ANO3: variants seen among roughly 807,000 people sequenced by gnomAD.
ANO3 encodes the protein anoctamin 3, also known as anoctamin-3.
Under a neutral mutation model 144.8 loss-of-function variants are expected in ANO3, and 99 were observed. That is an observed-to-expected ratio of 0.68 (90% CI 0.58 to 0.81). ANO3 has a LOEUF of 0.81. Ranked by LOEUF, ANO3 falls within the 30% of genes least tolerant of loss-of-function variation. The pLI is 0.00. For synonymous variants in ANO3, 414 were observed against 392.6 expected (o/e 1.05, Z -0.64); for missense variants, 905 against 1,202.2 (o/e 0.75, Z 3.66).
chr11:26,479,827 A>C (rs1860139795), intron 4 of ANO3, among the ~76,000 whole-genome samples: 1 of 152,222 alleles, frequency 6.6e-6, no homozygotes, highest in African/African-American at 2.4e-5. Context: ...TAAACTTGTA[A>C]TAGCAAATTA....
chr11:26,289,654 T>C lies in ANO3; in HGVS notation c.155-19991T>C, dbSNP rs201374902. 1.4e-3 allele frequency among the ~76,000 whole-genome samples: 92 copies of C among 67,172 alleles called. 2 individuals are homozygous for C. The highest frequency in any genetic ancestry group is 9.1e-3 in the Middle Eastern group (1 of 110). 44.1% of individuals were successfully genotyped at this position (67,172 alleles called of 152,430 possible). On this transcript the variant is annotated intron_variant, in intron 1 of 27. Transcript: ENST00000672621. ...TATATGTACATATACACACATATAT[T>C]CTATATGTGTGTATATGTACATATA...
intron 1 of ANO3, among the ~76,000 whole-genome samples, chr11:26,409,644 A>G (rs1156863576): frequency 6.6e-6 from 1 of 152,004 alleles, no homozygotes; most frequent in Admixed American, 6.6e-5. Context: ...GACATCTGTC[A>G]TATTCATCAA....
At chr11:26,571,019 A>C (rs1850803150) in intron 14 of ANO3, among the ~76,000 whole-genome samples, 1 of 152,138 alleles carries the variant, frequency 6.6e-6, no homozygotes, top group Non-Finnish European at 1.5e-5. Flanking sequence ...TTTCAAGAAA[A>C]AAACAAATTT....
intron 10 of ANO3, among the ~76,000 whole-genome samples, chr11:26,541,658 A>G (rs965095358): frequency 6.6e-6 from 1 of 152,096 alleles, no homozygotes; most frequent in Non-Finnish European, 1.5e-5. Context: ...TTATTAAAAG[A>G]CCTTAAATTC....
intron 7 of ANO3, among the ~76,000 whole-genome samples, chr11:26,528,208 G>A (rs1390614086): frequency 2.0e-5 from 3 of 152,136 alleles, no homozygotes; most frequent in Non-Finnish European, 4.4e-5. Context: ...TACTTACTAT[G>A]TTCTGTGCCC....
chr11:26,649,799 T>C (rs1853469418), intron 24 of ANO3, among the ~76,000 whole-genome samples: 2 of 152,314 alleles, frequency 1.3e-5, no homozygotes, highest in African/African-American at 2.4e-5. Context: ...TAAGATCTTA[T>C]GAACTCTAAA....
At chr11:26,307,131 G>A (rs557490234), upstream of ANO3, among the ~76,000 whole-genome samples, 3 of 148,564 alleles carry the variant, frequency 2.0e-5, no homozygotes, top group African/African-American at 7.4e-5. Flanking sequence ...CGAGGCAGGC[G>A]GATCACGAGG....
At chr11:26,473,954 CA>C (rs1859870811) in intron 4 of ANO3, 1 of 984,936 alleles carries the variant, frequency 1.0e-6, no homozygotes, top group South Asian at 4.7e-5. Flanking sequence ...ACCCTCCAGT[CA>C]AATGCTTTGT....
At chr11:26,223,897 C>T (rs923640675) in intron 1 of ANO3, among the ~76,000 whole-genome samples, 2 of 152,136 alleles carry the variant, frequency 1.3e-5, no homozygotes, top group Admixed American at 1.3e-4. Flanking sequence ...AGCACCAAGG[C>T]ATTCATATAA....
At chr11:26,432,545 T>C (rs1858151041) in intron 1 of ANO3, among the ~76,000 whole-genome samples, 1 of 152,200 alleles carries the variant, frequency 6.6e-6, no homozygotes, top group Admixed American at 6.5e-5. Context: ...ATTTTGTGTT[T>C]AAGTTTTTAA....
intron 1 of ANO3, among the ~76,000 whole-genome samples, chr11:26,316,258 C>T (rs760712271): frequency 2.6e-5 from 4 of 152,204 alleles, no homozygotes; most frequent in East Asian, 1.9e-4. Flanking sequence ...TCTGGTCCTG[C>T]GATGCCACCA....
At chr11:26,620,215 T>TATGCAAA (rs1258106833) in intron 17 of ANO3, among the ~76,000 whole-genome samples, 11 of 152,182 alleles carry the variant, frequency 7.2e-5, no homozygotes, top group African/African-American at 2.7e-4. Context: ...GAAAATTAAA[T>TATGCAAA]ATGCAAAATT....
At chr11:26,460,905 G>A (rs1463239665) in intron 3 of ANO3, among the ~76,000 whole-genome samples, 1 of 152,006 alleles carries the variant, frequency 6.6e-6, no homozygotes, top group Non-Finnish European at 1.5e-5. Context: ...TTAGAGACTT[G>A]GGAAAAGGAA....
rs372995237 is a variant in ANO3 at position 26,506,618 on chromosome 11, C to A, written c.433-1486C>A. Among the ~76,000 whole-genome samples the A allele has an allele frequency of 9.8e-5, 15 of 152,290 alleles. 1 individual carries two copies. Among genetic ancestry groups the A allele is most frequent in the African/African-American group, 3.6e-4 (15 of 41,558 alleles). Reference sequence around the variant, plus strand: ...AGAATTCCAAGTTAATCCTGGAAATCTCAGAGCTTTTTTATTCATTGAAGA... The same window carrying A: ...AGAATTCCAAGTTAATCCTGGAAATATCAGAGCTTTTTTATTCATTGAAGA... On this transcript the variant is annotated intron_variant, in intron 4 of 26. Transcript: ENST00000256737.
chr11:26,480,680 T>C (rs1845356), intron 4 of ANO3, among the ~76,000 whole-genome samples: 101,265 of 151,790 alleles, frequency 0.67, 35,203 homozygotes, highest in Middle Eastern at 0.77. Flanking sequence ...TGGTGGCTCG[T>C]ACCTGTAGAC....
At chr11:26,276,610 C>G (rs963163583) in intron 1 of ANO3, among the ~76,000 whole-genome samples, 4 of 152,142 alleles carry the variant, frequency 2.6e-5, no homozygotes, top group African/African-American at 9.7e-5. Context: ...CCATGATTCT[C>G]AGTTAAAACA....
chr11:26,290,308 T>C (rs193098329), intron 1 of ANO3, among the ~76,000 whole-genome samples: 1 of 152,318 alleles, frequency 6.6e-6, no homozygotes, highest in African/African-American at 2.4e-5. Flanking sequence ...TCTTTTCTTC[T>C]TTATTAGTCT....
intron 5 of ANO3, among the ~76,000 whole-genome samples, chr11:26,509,995 G>A (rs764700112): frequency 3.3e-5 from 5 of 151,764 alleles, no homozygotes; most frequent in Non-Finnish European, 5.9e-5. Flanking sequence ...GTAGCTGGTC[G>A]TGGTGGCGCG....
intron 1 of ANO3, among the ~76,000 whole-genome samples, chr11:26,378,435 CATCT>C (rs201721681): frequency 1.5e-4 from 21 of 142,930 alleles, no homozygotes; most frequent in Non-Finnish European, 3.1e-4. Flanking sequence ...ATCTATCTAT[CATCT>C]ATCTATCTAT....
Sources: allele counts gnomAD v4.1 joint callset (sites outside exome capture counted in the v4.1 genomes callset), GRCh38; gene constraint gnomAD v4.1.1; transcripts MANE v1.5; gene names NCBI Gene and HGNC (gene_info 2026-07-23, HGNC 2026-07-21).